Variants in MARCHF1 observed in about 807,000 individuals in gnomAD.
The protein encoded by MARCHF1 is membrane associated ring-CH-type finger 1, also known as E3 ubiquitin-protein ligase MARCHF1.
Under a neutral mutation model 54.2 loss-of-function variants are expected in MARCHF1, and 40 were observed. The observed-to-expected ratio is 0.74, with a 90% confidence interval of 0.57 to 0.96. The LOEUF (loss-of-function observed/expected upper bound fraction) is 0.96, where lower values mean the gene tolerates loss of function less well. Ranked by LOEUF, MARCHF1 falls within the 40% of genes least tolerant of loss-of-function variation. The pLI, the probability that MARCHF1 is intolerant of heterozygous loss-of-function variation, is 0.00. For missense variants in MARCHF1, 586 were observed against 656.5 expected (o/e 0.89, Z 1.17); for synonymous variants, 236 against 236.3 (o/e 1.00, Z 0.01).
intron 1 of MARCHF1, chr4:164,189,810 G>C (rs1183045811): frequency 6.3e-6 from 10 of 1,586,272 alleles, no homozygotes; most frequent in Non-Finnish European, 8.7e-6. Flanking sequence ...TCATCTTCTG[G>C]GTACATTTGA....
At chr4:163,600,055 G>T (rs77875690) in intron 7 of MARCHF1, among the ~76,000 whole-genome samples, 5 of 152,038 alleles carry the variant, frequency 3.3e-5, no homozygotes, top group Admixed American at 3.3e-4. Flanking sequence ...TAGCCCCCAG[G>T]CTTCTTTTCT....
intron 1 of MARCHF1, chr4:164,135,520 T>C (rs1756382416): frequency 6.6e-6 from 1 of 152,090 alleles, no homozygotes; most frequent in Non-Finnish European, 1.5e-5. Context: ...AGAAGAAGAA[T>C]GAGAGAAGTG....
intron 5 of MARCHF1, among the ~76,000 whole-genome samples, chr4:163,700,175 G>A (rs1744762615): frequency 6.6e-6 from 1 of 151,996 alleles, no homozygotes; most frequent in Admixed American, 6.6e-5. Context: ...TATGGTGTTT[G>A]AAATGAGAGA....
chr4:163,918,654 C>T (rs1438169446), intron 3 of MARCHF1, among the ~76,000 whole-genome samples: 8 of 152,078 alleles, frequency 5.3e-5, no homozygotes, highest in African/African-American at 1.9e-4. Context: ...ATGTTTTCTT[C>T]TTTCAGGTTA....
chr4:163,861,640 T>C (rs1351277098), intron 3 of MARCHF1, among the ~76,000 whole-genome samples: 3 of 152,094 alleles, frequency 2.0e-5, no homozygotes, highest in Admixed American at 2.0e-4. Context: ...ATTGTTAACA[T>C]ATTAATTCTT....
At chr4:163,697,922 G>A (rs1744686074) in intron 5 of MARCHF1, among the ~76,000 whole-genome samples, 1 of 152,086 alleles carries the variant, frequency 6.6e-6, no homozygotes, top group African/African-American at 2.4e-5. Context: ...TATAGACCAT[G>A]TTCCAATTTA....
At chr4:164,256,243 T>C (rs1266721538) in intron 1 of MARCHF1, among the ~76,000 whole-genome samples, 1 of 151,580 alleles carries the variant, frequency 6.6e-6, no homozygotes, top group African/African-American at 2.4e-5. Context: ...TATCTGAAAA[T>C]CTTATATATT....
chr4:163,912,037 A>G lies in MARCHF1; in HGVS notation c.-38-57868T>C, dbSNP rs578203029. 7.4e-5 allele frequency among the ~76,000 whole-genome samples: 11 copies of G among 149,438 alleles called. No homozygotes were observed. In the East Asian group the frequency reaches 1.8e-3, roughly 24 times the overall value. On this transcript the variant is annotated intron_variant, in intron 3 of 9. Transcript: ENST00000514618. ...AATCGTTAGTCTAGGCTGGTAGACC[A>G]GTGTTATTAAGTCATCAGGAATGCA...
intron 1 of MARCHF1, among the ~76,000 whole-genome samples, chr4:164,209,659 T>G (rs554847162): frequency 3.9e-4 from 60 of 152,220 alleles, no homozygotes; most frequent in Non-Finnish European, 7.5e-4. Flanking sequence ...CTTTTATATA[T>G]TAAATAATGT....
chr4:164,163,963 C>T (rs1032737976), intron 1 of MARCHF1, among the ~76,000 whole-genome samples: 1 of 151,694 alleles, frequency 6.6e-6, no homozygotes, highest in Admixed American at 6.6e-5. Flanking sequence ...AACTAAATGA[C>T]AGATTTCTAA....
chr4:163,533,588 A>C (rs1269968359), intron 9 of MARCHF1, among the ~76,000 whole-genome samples: 1 of 151,496 alleles, frequency 6.6e-6, no homozygotes, highest in Admixed American at 6.6e-5. Flanking sequence ...AACCTTGTGT[A>C]TGTGCAGGGT....
At chr4:163,580,367 C>A (rs1401186924) in intron 8 of MARCHF1, among the ~76,000 whole-genome samples, 2 of 152,078 alleles carry the variant, frequency 1.3e-5, no homozygotes, top group Non-Finnish European at 2.9e-5. Context: ...TGTGAGCCAC[C>A]GCACCTGGCC....
chr4:164,245,312 C>A (rs1277694085), intron 1 of MARCHF1, among the ~76,000 whole-genome samples: 1 of 151,240 alleles, frequency 6.6e-6, no homozygotes, highest in African/African-American at 2.4e-5. Flanking sequence ...AACCAATAAA[C>A]GTAATCCAGC....
intron 4 of MARCHF1, among the ~76,000 whole-genome samples, chr4:163,807,678 GAAGAA>G (rs1417425078): frequency 3.3e-5 from 5 of 151,932 alleles, no homozygotes; most frequent in Non-Finnish European, 5.9e-5. Context: ...TCAATGTAAA[GAAGAA>G]AAGTATAATA....
intron 3 of MARCHF1, among the ~76,000 whole-genome samples, chr4:163,885,738 C>A (rs1750515984): frequency 6.6e-6 from 1 of 151,640 alleles, no homozygotes; most frequent in African/African-American, 2.4e-5. Context: ...ATATAATGAT[C>A]CCATATATGG....
At chr4:163,781,668 G>C (rs1455944590) in intron 4 of MARCHF1, among the ~76,000 whole-genome samples, 4 of 152,210 alleles carry the variant, frequency 2.6e-5, no homozygotes, top group African/African-American at 9.6e-5. Flanking sequence ...AGCAGAAATT[G>C]TGTTGGGTGC....
intron 1 of MARCHF1, among the ~76,000 whole-genome samples, chr4:164,228,082 T>C (rs908522731): frequency 1.3e-5 from 2 of 152,088 alleles, no homozygotes; most frequent in Non-Finnish European, 2.9e-5. Flanking sequence ...GTATTACACA[T>C]CTAATAAGTT....
intron 1 of MARCHF1, among the ~76,000 whole-genome samples, chr4:164,231,186 G>C (rs891713958): frequency 6.6e-6 from 1 of 151,906 alleles, no homozygotes; most frequent in Non-Finnish European, 1.5e-5. Context: ...AGAAAGAAAA[G>C]GATAAAAATA....
At chr4:163,864,504 A>G (rs1750009658) in intron 3 of MARCHF1, among the ~76,000 whole-genome samples, 1 of 151,958 alleles carries the variant, frequency 6.6e-6, no homozygotes, top group Non-Finnish European at 1.5e-5. Flanking sequence ...CTGCTAAAAA[A>G]TTGGATAAAA....
Sources: allele counts gnomAD v4.1 joint callset (sites outside exome capture counted in the v4.1 genomes callset), GRCh38; gene constraint gnomAD v4.1.1; transcripts MANE v1.5; gene names NCBI Gene and HGNC (gene_info 2026-07-23, HGNC 2026-07-21).